MACF1: variants seen among roughly 807,000 people sequenced by gnomAD.
The protein encoded by MACF1 is microtubule actin crosslinking factor 1.
MACF1 carries 193 observed loss-of-function variants against 854.8 expected under a neutral mutation model. The ratio of observed to expected loss-of-function variants is 0.23; its 90% CI spans 0.20 to 0.25. The LOEUF (loss-of-function observed/expected upper bound fraction) is 0.25, where lower values mean the gene tolerates loss of function less well. Ranked by LOEUF, MACF1 falls within the 10% of genes least tolerant of loss-of-function variation. The pLI, the probability that MACF1 is intolerant of heterozygous loss-of-function variation, is 1.00. For missense variants in MACF1, 7,722 were observed against 8,929.1 expected, an observed-to-expected ratio of 0.86 and a Z score of 5.45; for synonymous variants, 3,185 against 3,226.7, an observed-to-expected ratio of 0.99 and a Z score of 0.44.
chr1:39,262,271 G>T (rs58168071), intron 6 of MACF1, among the ~76,000 whole-genome samples: 1 of 151,636 alleles, frequency 6.6e-6, no homozygotes, highest in Admixed American at 6.6e-5. Flanking sequence ...GTGTGTTGGC[G>T]CACTGTAGTC....
chr1:39,302,400 A>T lies in MACF1; in HGVS notation c.2635-524A>T, dbSNP rs182065632. Among the ~76,000 whole-genome samples the T allele has an allele frequency of 9.2e-5, 14 of 152,336 alleles. No individual in the cohort carries two copies. The East Asian group carries it at 2.1e-3, about 23-fold the overall frequency. ...GAATTAAGAAATGGAAAAAAAATTT[A>T]AAAATGGGACTGTGCTTTTGTGTGT... On this transcript the variant is annotated intron_variant, in intron 22 of 100. Coordinates refer to ENST00000564288, the MANE Select transcript of MACF1 (RefSeq NM_001394062.1).
chr1:39,411,137 C>A (rs1642980626), intron 58 of MACF1: 7 of 1,613,582 alleles, frequency 4.3e-6, no homozygotes, highest in Non-Finnish European at 5.9e-6. Flanking sequence ...CCACCTCTCT[C>A]CCCTTGCCTG....
chr1:39,245,609 T>A (rs1644973774), intron 2 of MACF1, among the ~76,000 whole-genome samples: 1 of 152,152 alleles, frequency 6.6e-6, no homozygotes, highest in African/African-American at 2.4e-5. Context: ...TTATTCAGGT[T>A]GGGAGTGGTA....
In MACF1 at chr1:39,333,969, A is replaced by C; in HGVS notation, c.7381A>C (p.Ser2461Arg). ...AAAAACAGTTAGGGAGAGATTAATT[A>C]GTTTACAAATGGAAACAACAGGACT... ...AEKTVRERLISLQMETTGLID... is the reference protein window; with the variant it reads ...AEKTVRERLIRLQMETTGLID... Residue 2461 changes from serine to arginine, a missense_variant, in exon 37 of 101, where the codon AGT (serine) becomes CGT (arginine). Physicochemically the swap from Ser to Arg is moderately radical, Grantham distance 110. Around this residue, in one of 15 missense-constraint regions of MACF1, gnomAD observed 1,531 missense variants for 1,601.6 expected, o/e 0.96. Coordinates refer to ENST00000564288, the MANE Select transcript of MACF1 (RefSeq NM_001394062.1). The C allele has an allele frequency of 1.9e-6, 3 of 1,614,232 alleles. No homozygotes were observed. The highest frequency in any genetic ancestry group is 2.5e-6 in the Non-Finnish European group (3 of 1,180,036).
At chr1:39,414,365 T>C in intron 58 of MACF1, 1 of 1,613,974 alleles carries the variant, frequency 6.2e-7, no homozygotes, top group Non-Finnish European at 8.5e-7. Context: ...TCCACTGGAA[T>C]GTGGATCAAG....
Position 39,297,672 on chromosome 1 carries a change from C to A in MACF1, c.2408C>A (p.Ser803Tyr), listed in dbSNP as rs1371324163. 1.9e-6 allele frequency: 3 copies of A among 1,614,184 alleles called. No homozygotes were observed. The highest frequency in any genetic ancestry group is 3.3e-5 in the Admixed American group (2 of 60,022). Reference sequence around the variant, plus strand: ...TCATTCTTGAGGAACCTCCAAGATTCCATTAAACGAAAATATTCCTGTGAC... The same window carrying A: ...TCATTCTTGAGGAACCTCCAAGATTACATTAAACGAAAATATTCCTGTGAC... ...LESFLRNLQD[S>Y]IKRKYSCDHN... The change falls in exon 21 of 101, where the codon TCC becomes TAC. Residue 803 changes from serine (S) to tyrosine (Y), a missense_variant. By Grantham distance (144) the Ser-to-Tyr change is moderately radical. Around this residue, in one of 15 missense-constraint regions of MACF1, gnomAD observed 1,137 missense variants for 1,263.0 expected, o/e 0.90. Coordinates refer to ENST00000564288, the MANE Select transcript of MACF1 (RefSeq NM_001394062.1).
At chr1:39,478,504 G>T (rs1644953376) in intron 97 of MACF1, among the ~76,000 whole-genome samples, 1 of 152,180 alleles carries the variant, frequency 6.6e-6, no homozygotes, top group South Asian at 2.1e-4. Flanking sequence ...GCAGAGCTTG[G>T]ACTATAACTC....
intron 49 of MACF1, among the ~76,000 whole-genome samples, chr1:39,366,405 C>G (rs1365184215): frequency 6.6e-6 from 1 of 152,038 alleles, no homozygotes; most frequent in Admixed American, 6.6e-5. Flanking sequence ...ATGATCATAG[C>G]TCACTGCATC....
At chr1:39,309,723 T>C (rs1353879925) in intron 24 of MACF1, 27 bp downstream of exon 24, 3 of 1,594,946 alleles carry the variant, frequency 1.9e-6, no homozygotes, top group East Asian at 4.5e-5. Context: ...TACCCCAGGC[T>C]TACATTCCAT....
intron 16 of MACF1, 123 bp downstream of exon 16, chr1:39,292,161 G>A (rs989668990): frequency 8.6e-7 from 1 of 1,159,094 alleles, no homozygotes; most frequent in East Asian, 2.5e-5. Flanking sequence ...TGATGATGAA[G>A]AGCGGTTTAT....
intron 57 of MACF1, 109 bp downstream of exon 57, chr1:39,386,038 A>G (rs1461041285): frequency 7.8e-7 from 1 of 1,278,456 alleles, no homozygotes; most frequent in Non-Finnish European, 1.1e-6. Flanking sequence ...TAATTTGTAG[A>G]CTCAGAATGG....
At chr1:39,212,399 C>T (rs934189689) in intron 1 of MACF1, among the ~76,000 whole-genome samples, 1 of 152,078 alleles carries the variant, frequency 6.6e-6, no homozygotes, top group Non-Finnish European at 1.5e-5. Flanking sequence ...ACCTTGTCCC[C>T]AAGACTCTAC....
intron 26 of MACF1, among the ~76,000 whole-genome samples, chr1:39,312,433 A>G (rs969256766): frequency 2.0e-5 from 3 of 152,188 alleles, no homozygotes; most frequent in African/African-American, 4.8e-5. Flanking sequence ...AGTTCCAGAC[A>G]TGAAGCTCCT....
chr1:39,347,022 C>T lies in MACF1; in HGVS notation c.10627C>T (p.Leu3543Phe), dbSNP rs1647066585. ...MAERKAQLDA[L>F]AFDIQFFISE... ...TGAAAGGAAAGCTCAGCTGGATGCT[C>T]TTGCTTTTGATATTCAGTTCTTTAT... The change falls in exon 41 of 101, where the codon CTT becomes TTT. Residue 3543 changes from leucine (L) to phenylalanine (F), a missense_variant. This residue lies in a region of MACF1 where 854 missense variants were observed against 852.6 expected (regional missense o/e 1.00). Transcript: ENST00000564288. 6.2e-7 allele frequency: 1 copy of T among 1,614,006 alleles called. No homozygotes were observed. The highest frequency in any genetic ancestry group is 1.3e-5 in the African/African-American group (1 of 75,046).
chr1:39,155,051 A>G lies in MACF1; in HGVS notation c.220+70613A>G, dbSNP rs140189698. On this transcript the variant is annotated intron_variant, in intron 2 of 93. Transcript: ENST00000361689. ...TGTGGGACCCATTGGAGGATAAAAGATGAATAGCCATGAAAGGCATGCAGA... is the reference window on the plus strand; with the variant it reads ...TGTGGGACCCATTGGAGGATAAAAGGTGAATAGCCATGAAAGGCATGCAGA... 5.4e-3 allele frequency among the ~76,000 whole-genome samples: 820 copies of G among 152,310 alleles called. 6 individuals are homozygous for G. Among genetic ancestry groups the G allele is most frequent in the Non-Finnish European group, 8.1e-3 (552 of 68,022 alleles).
chr1:39,422,704 A>G, intron 59 of MACF1, 26 bp from the exon 60 acceptor site: 12 of 1,603,956 alleles, frequency 7.5e-6, no homozygotes, highest in South Asian at 3.3e-5. Context: ...CCGTTCTCAT[A>G]ATGAACCTAC....
At chr1:39,459,936 T>C in intron 91 of MACF1, 9 of 876,948 alleles carry the variant, frequency 1.0e-5, no homozygotes, top group Non-Finnish European at 1.5e-5. Flanking sequence ...CTTTGGAGTT[T>C]GAAAGACCAA....
chr1:39,314,498 G>A (rs1052912021), intron 26 of MACF1, among the ~76,000 whole-genome samples: 7 of 148,702 alleles, frequency 4.7e-5, no homozygotes, highest in Non-Finnish European at 8.9e-5. Context: ...ATACATGTAC[G>A]TAAGTTTACA....
At chr1:39,263,874 T>C (rs1179115465) in intron 6 of MACF1, among the ~76,000 whole-genome samples, 2 of 146,662 alleles carry the variant, frequency 1.4e-5, no homozygotes, top group South Asian at 2.2e-4. Context: ...CCCAGGTTCA[T>C]GCCATTCTTC....
Sources: gnomAD v4.1 joint callset for allele counts (sites outside exome capture counted in the v4.1 genomes callset) on GRCh38, gnomAD v4.1.1 for gene constraint, gnomAD v4.1.1 regional missense constraint, MANE v1.5 for transcripts, NCBI Gene and HGNC (gene_info 2026-07-23, HGNC 2026-07-21) for gene names.